PARD3B: variants seen among roughly 807,000 people sequenced by gnomAD.
PARD3B encodes the protein par-3 family cell polarity regulator beta.
In PARD3B, 103 loss-of-function variants were observed where a neutral mutation model predicts 130.2. The observed-to-expected ratio is 0.79, with a 90% CI of 0.67 to 0.93. PARD3B has a LOEUF of 0.93. PARD3B is among the 40% of genes least tolerant of loss of function. PARD3B has a pLI of 0.00. For synonymous variants in PARD3B, 583 were observed against 553.2 expected, an observed-to-expected ratio of 1.05 and a Z score of -0.76; for missense variants, 1,609 against 1,499.2, an observed-to-expected ratio of 1.07 and a Z score of -1.21.
chr2:205,106,288 C>T (rs1247119979), intron 5 of PARD3B, among the ~76,000 whole-genome samples: 2 of 152,020 alleles, frequency 1.3e-5, no homozygotes, highest in African/African-American at 2.4e-5. Flanking sequence ...GCTGGGATTA[C>T]AGGCATGTGC....
At chr2:205,045,648 T>C (rs1412563007) in intron 3 of PARD3B, among the ~76,000 whole-genome samples, 2 of 152,090 alleles carry the variant, frequency 1.3e-5, no homozygotes, top group Non-Finnish European at 2.9e-5. Flanking sequence ...GCATGTGTCT[T>C]TAAATTTGAA....
chr2:205,267,689 C>T (rs1347748305), intron 16 of PARD3B, among the ~76,000 whole-genome samples: 3 of 152,060 alleles, frequency 2.0e-5, no homozygotes, highest in Admixed American at 6.6e-5. Flanking sequence ...TAATTTATAT[C>T]AGCAGCAAAG....
At chr2:204,615,359 C>A (rs1384347092) in intron 1 of PARD3B, among the ~76,000 whole-genome samples, 3 of 152,126 alleles carry the variant, frequency 2.0e-5, no homozygotes, top group Non-Finnish European at 4.4e-5. Context: ...CCTTTGAATG[C>A]CTCTTTTATA....
intron 2 of PARD3B, among the ~76,000 whole-genome samples, chr2:204,872,304 G>A (rs191572278): frequency 6.6e-6 from 1 of 151,988 alleles, no homozygotes; most frequent in Non-Finnish European, 1.5e-5. Context: ...TAATATATAT[G>A]TATGCATATA....
At position 205,301,488 on chromosome 2, in the gene PARD3B, A is replaced by C. The variant is rs556707988; in HGVS notation, c.2417A>C (p.His806Pro). The C allele has an allele frequency of 1.9e-6, 3 of 1,612,536 alleles. No individual in the cohort carries two copies. The highest frequency in any genetic ancestry group is 2.5e-6 in the Non-Finnish European group (3 of 1,179,668). ...GACGGTCTGTCTGATAAGAGCTCTC[A>C]CTCTGGCCAAGGAGCTCTGAATTGT... ...EADGLSDKSS[H>P]SGQGALNCES... Residue 806 changes from histidine (H) to proline (P), a missense_variant, in exon 18 of 23, where the codon CAC becomes CCC. Physicochemically the swap from His to Pro is moderately conservative, Grantham distance 77 (BLOSUM62 -2). Coordinates refer to ENST00000406610, the MANE Select transcript of PARD3B (RefSeq NM_001302769.2). The surrounding 1 kb of genome is among the most constrained non-coding windows in gnomAD (Gnocchi z 5.2).
At chr2:204,924,150 TTGAC>T (rs1470234387) in intron 2 of PARD3B, among the ~76,000 whole-genome samples, 1 of 152,032 alleles carries the variant, frequency 6.6e-6, no homozygotes, top group East Asian at 1.9e-4. Flanking sequence ...GATGTGTGCT[TTGAC>T]TGTGCAACCA....
At position 204,545,965 on chromosome 2, in the gene PARD3B, T is replaced by TTCGGC; in HGVS notation, c.-34_-30dup. On this transcript the variant is annotated 5_prime_UTR_variant, in exon 1 of 23. Coordinates refer to ENST00000406610, the MANE Select transcript of PARD3B (RefSeq NM_001302769.2). ...CTGCGCCCGCGGGGTCAGACACCTG[T>TTCGGC]TCGGCCCGGCCCGGCGTGGTCGCCG... The TTCGGC allele has an allele frequency of 6.5e-7, 1 of 1,532,748 alleles. No homozygotes were observed. The highest frequency in any genetic ancestry group is 8.8e-7 in the Non-Finnish European group (1 of 1,139,196). 94.9% of individuals were successfully genotyped at this position (1,532,748 alleles called of 1,614,324 possible).
In PARD3B at chr2:205,351,873, T is replaced by C. The variant is rs944865431; in HGVS notation, c.2631-49140T>C. Among the ~76,000 whole-genome samples the C allele has an allele frequency of 1.3e-5, 2 of 152,004 alleles. No homozygotes were observed. The highest frequency in any genetic ancestry group is 1.3e-4 in the Admixed American group (2 of 15,268). The stretch of plus-strand genomic sequence containing the variant: ...GAGGTACGTGACAGCTTCTGAGGGA[T>C]CTGTTTGTATACATAACATCCCAGT... On this transcript the variant is annotated intron_variant, in intron 18 of 22. Coordinates refer to ENST00000406610, the MANE Select transcript of PARD3B (RefSeq NM_001302769.2). The surrounding 1 kb of genome is among the most constrained non-coding windows in gnomAD (Gnocchi z 4.2).
intron 1 of PARD3B, among the ~76,000 whole-genome samples, chr2:204,559,088 C>A (rs182219483): frequency 1.3e-5 from 2 of 152,078 alleles, no homozygotes; most frequent in African/African-American, 2.4e-5. Context: ...CCATGAAAAC[C>A]GTAGAAGAAA....
intron 13 of PARD3B, among the ~76,000 whole-genome samples, chr2:205,179,935 C>T (rs2035696011): frequency 6.6e-6 from 1 of 152,042 alleles, no homozygotes; most frequent in Non-Finnish European, 1.5e-5. Context: ...ATAGAATGTT[C>T]AGACTTTGTA....
chr2:204,851,392 T>G (rs568449421), intron 2 of PARD3B, among the ~76,000 whole-genome samples: 2 of 152,330 alleles, frequency 1.3e-5, no homozygotes, highest in East Asian at 3.9e-4. Flanking sequence ...TTTAATAGAA[T>G]AGCAGAAGAA....
In PARD3B at chr2:204,802,019, A is replaced by G. The variant is rs1365180931; in HGVS notation, c.222+115737A>G. On this transcript the variant is annotated intron_variant, in intron 2 of 22. Transcript: ENST00000406610. ...TGATGGATTATGTTTATTGATTTGC[A>G]TATGTTGAACAAGCGTTGCATCCCA... Among the ~76,000 whole-genome samples, 6 of 152,248 alleles carry G rather than the reference A, an allele frequency of 3.9e-5. No homozygotes were observed. In the East Asian group the frequency reaches 1.2e-3, roughly 29 times the overall value.
At chr2:205,317,000 G>A (rs2042585811) in intron 18 of PARD3B, among the ~76,000 whole-genome samples, 1 of 152,170 alleles carries the variant, frequency 6.6e-6, no homozygotes, top group Admixed American at 6.5e-5. Context: ...GAACAAGACA[G>A]ATGTCTTTTC....
intron 22 of PARD3B, among the ~76,000 whole-genome samples, chr2:205,569,760 C>T (rs956345005): frequency 2.6e-5 from 4 of 152,182 alleles, no homozygotes; most frequent in Non-Finnish European, 5.9e-5. Context: ...GAATGTGATA[C>T]AACACCAGGT....
In PARD3B at chr2:205,555,061, G is replaced by T. The variant is rs556571296; in HGVS notation, c.3260+1658G>T. On this transcript the variant is annotated intron_variant, in intron 22 of 22. Transcript: ENST00000406610. Reference sequence around the variant, plus strand: ...AATTTGTTTTACATATAAGATTTCCGGCTTTCACTGTTGAAGTATATGGAA... The same window carrying T: ...AATTTGTTTTACATATAAGATTTCCTGCTTTCACTGTTGAAGTATATGGAA... Among the ~76,000 whole-genome samples the T allele has an allele frequency of 6.6e-5, 10 of 152,212 alleles. No individual in the cohort carries two copies. The South Asian group carries it at 2.1e-3, about 32-fold the overall frequency.
chr2:204,956,943 G>A (rs897136036), intron 2 of PARD3B, among the ~76,000 whole-genome samples: 35 of 152,120 alleles, frequency 2.3e-4, no homozygotes, highest in African/African-American at 8.4e-4. Flanking sequence ...GGGCTTCATG[G>A]ATGCCACTTG....
At position 205,446,244 on chromosome 2, in the gene PARD3B, G is replaced by A. The variant is rs897530368; in HGVS notation, c.3044+5572G>A. 8.5e-5 allele frequency among the ~76,000 whole-genome samples: 13 copies of A among 152,124 alleles called. No individual in the cohort carries two copies. The highest frequency in any genetic ancestry group is 3.1e-4 in the African/African-American group (13 of 41,420). On this transcript the variant is annotated intron_variant, in intron 20 of 22. Transcript: ENST00000406610. This position sits in a 1 kb window ranked among gnomAD's most constrained non-coding sequence, Gnocchi z 4.4. The stretch of plus-strand genomic sequence containing the variant: ...ATGAGAGAGGTTGGCCGGCCTTGAC[G>A]AAGAGTTTGGACTCTATCCTGAGGG...
chr2:205,172,318 G>A lies in PARD3B; in HGVS notation c.1728G>A (p.Met576Ile). 1 of 1,614,140 alleles carries A rather than the reference G, an allele frequency of 6.2e-7. No individual in the cohort carries two copies. Among genetic ancestry groups the A allele is most frequent in the Non-Finnish European group, 8.5e-7 (1 of 1,180,018 alleles). ...AAACACTTAGGCGGTCAATGTCCAT[G>A]GAGGGAAACATCCGAGGGATGATCC... The part of the protein sequence containing the change: ...AMETLRRSMS[M>I]EGNIRGMIQL... The change falls in exon 12 of 23, where the codon ATG (methionine) becomes ATA (isoleucine). Residue 576 changes from methionine to isoleucine, a missense_variant. Transcript: ENST00000406610.
chr2:205,352,044 G>T lies in PARD3B; in HGVS notation c.2631-48969G>T, dbSNP rs2105847750. On this transcript the variant is annotated intron_variant, in intron 18 of 22. Transcript: ENST00000406610. This position sits in a 1 kb window ranked among gnomAD's most constrained non-coding sequence, Gnocchi z 5.2. ...AAATAGATGTGGAGTATTTTAAGAT[G>T]AATAGTCTTACATCCACTAAATTCT... Among the ~76,000 whole-genome samples, 1 of 152,212 alleles carries T rather than the reference G, an allele frequency of 6.6e-6. No homozygotes were observed. Among genetic ancestry groups the T allele is most frequent in the East Asian group, 1.9e-4 (1 of 5,176 alleles).
Sources: gnomAD v4.1 joint callset for allele counts (sites outside exome capture counted in the v4.1 genomes callset) on GRCh38, gnomAD v4.1.1 for gene constraint, Gnocchi (gnomAD v3.1) non-coding constraint, MANE v1.5 for transcripts, NCBI Gene and HGNC (gene_info 2026-07-23, HGNC 2026-07-21) for gene names.